LRRC4C: variants seen among roughly 807,000 people sequenced by gnomAD.
LRRC4C encodes the protein leucine rich repeat containing 4C.
A neutral mutation model predicts 33.6 loss-of-function variants in LRRC4C; 5 were observed. The observed-to-expected ratio is 0.15, with a 90% CI of 0.08 to 0.31. LRRC4C has a LOEUF of 0.31. LRRC4C is among the 10% of genes least tolerant of loss of function. The pLI is 1.00. For synonymous variants in LRRC4C, 329 were observed against 302.0 expected, an observed-to-expected ratio of 1.09 and a Z score of -0.93; for missense variants, 560 against 796.7, an observed-to-expected ratio of 0.70 and a Z score of 3.58.
chr11:41,397,337 C>T (rs756561331), intron 1 of LRRC4C, among the ~76,000 whole-genome samples: 1 of 151,940 alleles, frequency 6.6e-6, no homozygotes. Flanking sequence ...TTCTCCTCCT[C>T]CTCAGCCTGC....
intron 3 of LRRC4C, among the ~76,000 whole-genome samples, chr11:40,355,306 C>T (rs1947607339): frequency 6.6e-6 from 1 of 152,044 alleles, no homozygotes; most frequent in South Asian, 2.1e-4. Flanking sequence ...TGACACAAGC[C>T]CTCCCTTAGC....
chr11:41,037,400 C>T (rs1332253436), intron 1 of LRRC4C, among the ~76,000 whole-genome samples: 1 of 151,884 alleles, frequency 6.6e-6, no homozygotes, highest in Non-Finnish European at 1.5e-5. Context: ...AGTGCAGTGG[C>T]ATATCCATGG....
At chr11:40,740,871 ATT>A (rs1948125666) in intron 2 of LRRC4C, among the ~76,000 whole-genome samples, 1 of 152,002 alleles carries the variant, frequency 6.6e-6, no homozygotes, top group South Asian at 2.1e-4. Flanking sequence ...GTCCAGCTTC[ATT>A]TTTTGAAGAG....
At chr11:40,889,674 A>G (rs1490789810) in intron 2 of LRRC4C, among the ~76,000 whole-genome samples, 1 of 152,102 alleles carries the variant, frequency 6.6e-6, no homozygotes, top group African/African-American at 2.4e-5. Context: ...TTCATATGTA[A>G]CCAACTCCAA....
At chr11:40,491,830 ACAGTCC>A (rs1048611306) in intron 3 of LRRC4C, among the ~76,000 whole-genome samples, 3 of 152,202 alleles carry the variant, frequency 2.0e-5, no homozygotes, top group African/African-American at 7.2e-5. Context: ...CATCACGTTC[ACAGTCC>A]CACCTATTTT....
At chr11:40,720,960 G>A (rs1946981337) in intron 2 of LRRC4C, among the ~76,000 whole-genome samples, 1 of 152,154 alleles carries the variant, frequency 6.6e-6, no homozygotes, top group South Asian at 2.1e-4. Context: ...TGCCATAGGA[G>A]ATGAGCCTAT....
intron 1 of LRRC4C, among the ~76,000 whole-genome samples, chr11:41,292,849 T>G (rs1950029728): frequency 6.6e-6 from 1 of 152,298 alleles, no homozygotes; most frequent in South Asian, 2.1e-4. Context: ...GAGTGAAATA[T>G]AGTAATATGT....
chr11:40,427,978 A>G (rs1292626835), intron 3 of LRRC4C, among the ~76,000 whole-genome samples: 3 of 152,222 alleles, frequency 2.0e-5, no homozygotes, highest in Admixed American at 6.5e-5. Flanking sequence ...AAAATTTAAC[A>G]AATATATTAT....
chr11:40,205,111 C>T (rs191301863), intron 5 of LRRC4C, among the ~76,000 whole-genome samples: 1 of 152,150 alleles, frequency 6.6e-6, no homozygotes, highest in Non-Finnish European at 1.5e-5. Flanking sequence ...CTTCCCAGGG[C>T]CTTCACAGAA....
At chr11:40,268,063 G>C (rs578231028) in intron 4 of LRRC4C, among the ~76,000 whole-genome samples, 1 of 152,256 alleles carries the variant, frequency 6.6e-6, no homozygotes, top group South Asian at 2.1e-4. Flanking sequence ...TACAGCTCCC[G>C]AGTTAGGTAA....
chr11:40,680,551 G>C (rs901618313), intron 2 of LRRC4C, among the ~76,000 whole-genome samples: 1 of 152,132 alleles, frequency 6.6e-6, no homozygotes, highest in African/African-American at 2.4e-5. Flanking sequence ...TGCTGTTCTC[G>C]TGATACTGAA....
At chr11:40,954,711 T>A (rs557130870) in intron 1 of LRRC4C, among the ~76,000 whole-genome samples, 35 of 152,010 alleles carry the variant, frequency 2.3e-4, no homozygotes, top group African/African-American at 7.2e-4. Context: ...AATAGAGTGA[T>A]CCCAGACCAC....
At chr11:40,382,972 C>T (rs1000346513) in intron 3 of LRRC4C, among the ~76,000 whole-genome samples, 5 of 152,062 alleles carry the variant, frequency 3.3e-5, no homozygotes, top group African/African-American at 1.2e-4. Flanking sequence ...GGATTACAGG[C>T]GTGAGCCACC....
At chr11:40,586,854 A>G (rs1213718328) in intron 3 of LRRC4C, among the ~76,000 whole-genome samples, 1 of 152,174 alleles carries the variant, frequency 6.6e-6, no homozygotes, top group Non-Finnish European at 1.5e-5. Flanking sequence ...TGGTACCAGT[A>G]CCATGCTGTT....
At chr11:41,459,217 A>C (rs1298319966) in intron 1 of LRRC4C, among the ~76,000 whole-genome samples, 1 of 152,178 alleles carries the variant, frequency 6.6e-6, no homozygotes, top group Admixed American at 6.6e-5. Context: ...GAGAGGTACA[A>C]AAATGGTAAG....
chr11:40,981,118 G>A (rs1852489040), intron 1 of LRRC4C, among the ~76,000 whole-genome samples: 1 of 152,124 alleles, frequency 6.6e-6, no homozygotes, highest in African/African-American at 2.4e-5. Context: ...ATATGTGGCT[G>A]AAAAATCTAA....
chr11:40,973,061 GCTTTC>G (rs1490602575), intron 1 of LRRC4C, among the ~76,000 whole-genome samples: 2 of 152,100 alleles, frequency 1.3e-5, no homozygotes, highest in Admixed American at 6.5e-5. Context: ...AGACATTCCT[GCTTTC>G]CTTTCACCTT....
intron 3 of LRRC4C, among the ~76,000 whole-genome samples, chr11:40,590,055 T>G (rs1958965147): frequency 6.6e-6 from 1 of 151,652 alleles, no homozygotes; most frequent in African/African-American, 2.4e-5. Context: ...TTCTCCTGGA[T>G]AATATCCTGC....
intron 3 of LRRC4C, among the ~76,000 whole-genome samples, chr11:40,333,717 CAAAAAAA>C (rs60450935): frequency 2.5e-5 from 2 of 78,504 alleles, no homozygotes; most frequent in African/African-American, 1.0e-4. Context: ...GACTTTGTCT[CAAAAAAA>C]AAAAAAAAAA....
Sources: allele counts gnomAD v4.1 joint callset (sites outside exome capture counted in the v4.1 genomes callset), GRCh38; gene constraint gnomAD v4.1.1; transcripts MANE v1.5; gene names NCBI Gene and HGNC (gene_info 2026-07-23, HGNC 2026-07-21).